Variants in LRRC75A observed in about 807,000 individuals in gnomAD.
The protein encoded by LRRC75A is leucine rich repeat containing 75A.
In LRRC75A, 12 loss-of-function variants were observed where a neutral mutation model predicts 26.0. The ratio of observed to expected loss-of-function variants is 0.46; its 90% CI spans 0.30 to 0.75. The LOEUF (loss-of-function observed/expected upper bound fraction) is 0.75, where lower values mean the gene tolerates loss of function less well. Ranked by LOEUF, LRRC75A falls within the 30% of genes least tolerant of loss-of-function variation. The probability of loss-of-function intolerance (pLI) is 0.08; values close to 1 mark genes in which losing one functional copy is unlikely to be tolerated. For synonymous variants in LRRC75A, 223 were observed against 219.3 expected, an observed-to-expected ratio of 1.02 and a Z score of -0.15; for missense variants, 410 against 486.6, an observed-to-expected ratio of 0.84 and a Z score of 1.48.
chr17:16,462,275 T>C lies in LRRC75A; in HGVS notation c.358A>G (p.Ile120Val). 6.2e-7 allele frequency: 1 copy of C among 1,614,032 alleles called. No individual in the cohort carries two copies. The highest frequency in any genetic ancestry group is 8.5e-7 in the Non-Finnish European group (1 of 1,179,982). ...HDLIISLARY[I>V]HCPKPEGDAL... ...CACCCTACCGGCTTGGGACAGTGGA[T>C]GTAGCGTGCCAGGCTGATGATGAGG... The change falls in exon 2 of 4, where the codon ATC (isoleucine) becomes GTC (valine). Residue 120 changes from isoleucine to valine, a missense_variant. Ile to Val is a conservative substitution (Grantham distance 29). Coordinates refer to ENST00000470794, the MANE Select transcript of LRRC75A (RefSeq NM_001113567.3). This position sits in a 1 kb window ranked among gnomAD's most constrained non-coding sequence, Gnocchi z 4.6.
Position 16,443,496 on chromosome 17 carries a change from CT to C in LRRC75A, c.*91del, listed in dbSNP as rs1224601633. ...GCCCAGGCCAATTTTTGGCAATATC[CT>C]TAACCCACCTGATAGGAGAAGCGCC... On this transcript the variant is annotated 3_prime_UTR_variant, in exon 4 of 4. Transcript: ENST00000470794. The C allele has an allele frequency of 1.6e-6, 2 of 1,275,890 alleles. No homozygotes were observed. Among genetic ancestry groups the C allele is most frequent in the African/African-American group, 3.0e-5 (2 of 66,778 alleles). 79.0% of individuals were successfully genotyped at this position (1,275,890 alleles called of 1,614,324 possible). A position where few individuals can be genotyped will look rare whatever the true frequency, so the allele number is the denominator to read the frequency against.
intron 2 of LRRC75A, among the ~76,000 whole-genome samples, chr17:16,460,130 T>G (rs1416180322): frequency 6.6e-6 from 1 of 152,148 alleles, no homozygotes; most frequent in East Asian, 1.9e-4. Context: ...TTTCCTGCCA[T>G]GTGAGGACAC....
At chr17:16,453,395 T>C (rs973763155) in intron 2 of LRRC75A, among the ~76,000 whole-genome samples, 1 of 151,882 alleles carries the variant, frequency 6.6e-6, no homozygotes. Flanking sequence ...ATCACTGCAC[T>C]GCCATTGCCA....
Position 16,491,836 on chromosome 17 carries a change from TG to T in LRRC75A, c.154del (p.His52ThrfsTer40). 7.1e-7 allele frequency: 1 copy of T among 1,402,108 alleles called. No homozygotes were observed. The highest frequency in any genetic ancestry group is 9.3e-7 in the Non-Finnish European group (1 of 1,074,980). 86.9% of individuals were successfully genotyped at this position (1,402,108 alleles called of 1,614,324 possible). On this transcript the variant is annotated frameshift_variant, in exon 1 of 4. Transcript: ENST00000470794. LOFTEE classifies it high-confidence loss of function. This position sits in a 1 kb window ranked among gnomAD's most constrained non-coding sequence, Gnocchi z 5.9. ...GRAGAGMPPY[H>X]RRVGMVQELL... ...CTCCTGGACCATGCCGACTCGCCGGTGGTAGGGGGGCATCCCCGCGCCCGCG... is the reference window on the plus strand; with the variant it reads ...CTCCTGGACCATGCCGACTCGCCGGTGTAGGGGGGCATCCCCGCGCCCGCG...
chr17:16,490,597 C>A (rs1338171056), intron 1 of LRRC75A, among the ~76,000 whole-genome samples: 1 of 152,042 alleles, frequency 6.6e-6, no homozygotes. Flanking sequence ...AGGGTAAGAG[C>A]GCACCAGATA....
At chr17:16,490,494 CAG>C (rs1030348488) in intron 1 of LRRC75A, among the ~76,000 whole-genome samples, 15 of 152,150 alleles carry the variant, frequency 9.9e-5, no homozygotes, top group Admixed American at 4.6e-4. Flanking sequence ...TTGGGGAAAA[CAG>C]AGGCAGAAGC....
rs551806148 is a variant in LRRC75A at position 16,476,870 on chromosome 17, C to A, written c.247-14484G>T. Among the ~76,000 whole-genome samples, 8 of 151,730 alleles carry A rather than the reference C, an allele frequency of 5.3e-5. No individual in the cohort carries two copies. In the East Asian group the frequency reaches 1.6e-3, roughly 29 times the overall value. On this transcript the variant is annotated intron_variant, in intron 1 of 3. Coordinates refer to ENST00000470794, the MANE Select transcript of LRRC75A (RefSeq NM_001113567.3). ...TCTCCTGCCTCAGCCTCCCAAGTAG[C>A]TGGGACCACAGGCGCCCACCACCAC...
At chr17:16,453,947 A>G (rs1203278113) in intron 2 of LRRC75A, among the ~76,000 whole-genome samples, 3 of 152,116 alleles carry the variant, frequency 2.0e-5, no homozygotes, top group Non-Finnish European at 2.9e-5. Flanking sequence ...ACCATTCCAG[A>G]GGGGTAGGAA....
At chr17:16,486,087 A>G (rs1040624815) in intron 1 of LRRC75A, among the ~76,000 whole-genome samples, 1 of 152,286 alleles carries the variant, frequency 6.6e-6, no homozygotes, top group East Asian at 1.9e-4. Flanking sequence ...GGAAGTTTCA[A>G]TCCATTCTGT....
At position 16,443,256 on chromosome 17, in the gene LRRC75A, T is replaced by C. The variant is rs1470685739; in HGVS notation, c.*332A>G. ...GGGGGAAAGCTCTTGGTGTTCACAA[T>C]GGCTCAGGCTTACAGTACCTCCAGC... On this transcript the variant is annotated 3_prime_UTR_variant, in exon 4 of 4. Coordinates refer to ENST00000470794, the MANE Select transcript of LRRC75A (RefSeq NM_001113567.3). 3.2e-6 allele frequency: 1 copy of C among 307,870 alleles called. No homozygotes were observed. The highest frequency in any genetic ancestry group is 6.0e-6 in the Non-Finnish European group (1 of 166,272). 19.1% of individuals were successfully genotyped at this position (307,870 alleles called of 1,614,324 possible).
intron 1 of LRRC75A, among the ~76,000 whole-genome samples, chr17:16,465,765 C>G (rs1471462867): frequency 6.6e-6 from 1 of 152,224 alleles, no homozygotes; most frequent in Admixed American, 6.5e-5. Context: ...CCCGCGCCAT[C>G]CCCCTGGTTG....
At chr17:16,453,184 G>A (rs151246947) in intron 2 of LRRC75A, among the ~76,000 whole-genome samples, 2,429 of 152,210 alleles carry the variant, frequency 0.016, 44 homozygotes, top group Non-Finnish European at 0.022. Flanking sequence ...AGCTACTTGG[G>A]AGGCTGTGGC....
At chr17:16,474,763 G>A (rs1034877062) in intron 1 of LRRC75A, among the ~76,000 whole-genome samples, 22 of 152,026 alleles carry the variant, frequency 1.4e-4, no homozygotes, top group Non-Finnish European at 2.9e-5. Context: ...GGGAGGCCGA[G>A]GCAGGTGGAT....
intron 1 of LRRC75A, among the ~76,000 whole-genome samples, chr17:16,485,196 T>C (rs2093843645): frequency 6.6e-6 from 1 of 152,158 alleles, no homozygotes; most frequent in Non-Finnish European, 1.5e-5. Context: ...CCTACCTCCA[T>C]TCCAGTTTCT....
chr17:16,461,050 T>G (rs1226208787), intron 2 of LRRC75A: 1 of 152,488 alleles, frequency 6.6e-6, no homozygotes, highest in Admixed American at 6.5e-5. Flanking sequence ...AACATTGTGC[T>G]CCTGACCCTG....
chr17:16,447,292 G>A (rs1452140597), intron 3 of LRRC75A, among the ~76,000 whole-genome samples: 1 of 151,430 alleles, frequency 6.6e-6, no homozygotes, highest in Non-Finnish European at 1.5e-5. Flanking sequence ...TGGGGTCTGG[G>A]TCCCCCTGGG....
intron 1 of LRRC75A, among the ~76,000 whole-genome samples, chr17:16,486,752 G>T (rs1269802554): frequency 1.3e-5 from 2 of 152,260 alleles, no homozygotes; most frequent in South Asian, 4.1e-4. Context: ...AGGCTGCCAG[G>T]AACAGCCAAG....
At position 16,485,667 on chromosome 17, in the gene LRRC75A, TGTTC is replaced by T. The variant is rs1259052424; in HGVS notation, c.246+6074_246+6077del. ...GTGTGTGTGTGTGTGTGTGTGTGTG[TGTTC>T]GTGTGTGTGTGTGTGTGTGTGTATG... On this transcript the variant is annotated intron_variant, in intron 1 of 3. Transcript: ENST00000470794. Among the ~76,000 whole-genome samples, 733 of 121,488 alleles carry T rather than the reference TGTTC, an allele frequency of 6.0e-3. 7 individuals are homozygous for T. The highest frequency in any genetic ancestry group is 0.02 in the African/African-American group (504 of 25,412). 79.7% of individuals were successfully genotyped at this position (121,488 alleles called of 152,430 possible). A position where few individuals can be genotyped will look rare whatever the true frequency, so the allele number is the denominator to read the frequency against.
At chr17:16,456,279 A>AGAGGAGGAGGAG (rs1244571994) in intron 2 of LRRC75A, among the ~76,000 whole-genome samples, 1 of 107,554 alleles carries the variant, frequency 9.3e-6, no homozygotes, top group African/African-American at 3.7e-5. Flanking sequence ...AGGAGGAGGA[A>AGAGGAGGAGGAG]GAGGAGGAGG....
Sources: gnomAD v4.1 joint callset for allele counts (sites outside exome capture counted in the v4.1 genomes callset) on GRCh38, gnomAD v4.1.1 for gene constraint, Gnocchi (gnomAD v3.1) non-coding constraint, MANE v1.5 for transcripts, NCBI Gene and HGNC (gene_info 2026-07-23, HGNC 2026-07-21) for gene names.